Variants in PHF21B observed in about 807,000 individuals in gnomAD.
PHF21B encodes PHD finger protein 4.
PHF21B carries 22 observed loss-of-function variants against 62.2 expected under a neutral mutation model. That is an observed-to-expected ratio of 0.35 (90% CI 0.25 to 0.51). PHF21B has a LOEUF of 0.51. PHF21B is among the 20% of genes least tolerant of loss of function. The pLI is 0.97. For missense variants in PHF21B, 701 were observed against 707.9 expected, an observed-to-expected ratio of 0.99 and a Z score of 0.11; for synonymous variants, 341 against 314.7, an observed-to-expected ratio of 1.08 and a Z score of -0.88.
Position 44,920,381 on chromosome 22 carries a change from G to A in PHF21B, c.213+17C>T, listed in dbSNP as rs760168309. On this transcript the variant is annotated intron_variant, in intron 3 of 12. Transcript: ENST00000313237. ...CAGACAGACGGACACCCCAGGGCCC[G>A]CCCGAGGGCTGCTTACCTGAGGTAG... 2.1e-5 allele frequency: 34 copies of A among 1,592,340 alleles called. No homozygotes were observed. Among genetic ancestry groups the A allele is most frequent in the African/African-American group, 2.7e-5 (2 of 74,350 alleles).
At chr22:44,996,120 G>C (rs1037878836) in intron 2 of PHF21B, among the ~76,000 whole-genome samples, 1 of 152,120 alleles carries the variant, frequency 6.6e-6, no homozygotes, top group Non-Finnish European at 1.5e-5. Context: ...ATGACAACAG[G>C]GGGGTGCTGG....
At chr22:44,887,500 T>C (rs1431338054) in intron 10 of PHF21B, among the ~76,000 whole-genome samples, 3 of 152,108 alleles carry the variant, frequency 2.0e-5, no homozygotes, top group Non-Finnish European at 4.4e-5. Flanking sequence ...CTCCCGCTGC[T>C]GGGAGGAGAG....
intron 2 of PHF21B, among the ~76,000 whole-genome samples, chr22:44,998,354 G>C (rs2073155893): frequency 6.6e-6 from 1 of 152,194 alleles, no homozygotes; most frequent in Non-Finnish European, 1.5e-5. Flanking sequence ...GAAAACTCTG[G>C]TGAAGTAAAT....
At chr22:44,983,386 G>C (rs890408594) in intron 2 of PHF21B, among the ~76,000 whole-genome samples, 1 of 152,184 alleles carries the variant, frequency 6.6e-6, no homozygotes, top group African/African-American at 2.4e-5. Flanking sequence ...AGGTCCAGCT[G>C]TCCCTAGCCA....
intron 2 of PHF21B, among the ~76,000 whole-genome samples, chr22:44,930,067 G>C (rs907689439): frequency 3.3e-5 from 5 of 152,164 alleles, no homozygotes; most frequent in Non-Finnish European, 1.5e-5. Flanking sequence ...AGACTTGCCC[G>C]GGTCACCAAG....
intron 2 of PHF21B, among the ~76,000 whole-genome samples, chr22:44,935,339 G>A (rs2071823747): frequency 6.6e-6 from 1 of 152,046 alleles, no homozygotes; most frequent in Non-Finnish European, 1.5e-5. Context: ...ACATGGCCGG[G>A]CGCGGTGGCT....
intron 2 of PHF21B, among the ~76,000 whole-genome samples, chr22:44,936,349 G>T (rs141578805): frequency 6.6e-6 from 1 of 152,234 alleles, no homozygotes; most frequent in Non-Finnish European, 1.5e-5. Context: ...GCCTCAGGCC[G>T]ACTGTCTCTC....
At chr22:44,972,808 T>C (rs1427970701) in intron 2 of PHF21B, among the ~76,000 whole-genome samples, 1 of 152,126 alleles carries the variant, frequency 6.6e-6, no homozygotes, top group Non-Finnish European at 1.5e-5. Context: ...GAGCTGTGTG[T>C]CCGTCCCCCT....
At chr22:44,979,674 C>T (rs919058757) in intron 2 of PHF21B, among the ~76,000 whole-genome samples, 5 of 152,184 alleles carry the variant, frequency 3.3e-5, no homozygotes, top group African/African-American at 7.2e-5. Flanking sequence ...CTCCATTTAC[C>T]GGCTGTGTGT....
At chr22:44,924,925 C>T (rs573696967) in intron 2 of PHF21B, among the ~76,000 whole-genome samples, 40 of 152,252 alleles carry the variant, frequency 2.6e-4, no homozygotes, top group African/African-American at 8.2e-4. Context: ...AACAAGTACA[C>T]GGATGAGCAA....
intron 2 of PHF21B, among the ~76,000 whole-genome samples, chr22:44,948,248 A>G (rs746356455): frequency 1.3e-5 from 2 of 152,230 alleles, no homozygotes; most frequent in East Asian, 3.8e-4. Flanking sequence ...ATAACATAGC[A>G]TAAGTGGGAA....
At chr22:45,006,457 C>T (rs1204670023) in intron 2 of PHF21B, among the ~76,000 whole-genome samples, 1 of 152,136 alleles carries the variant, frequency 6.6e-6, no homozygotes, top group Non-Finnish European at 1.5e-5. Context: ...AAAGGCAGCC[C>T]GGAGTCGGAG....
intron 2 of PHF21B, among the ~76,000 whole-genome samples, chr22:44,921,905 C>A (rs1036370770): frequency 2.0e-5 from 3 of 152,130 alleles, no homozygotes; most frequent in Non-Finnish European, 2.9e-5. Context: ...GTGATCCACC[C>A]ACCTCGGCCT....
intron 2 of PHF21B, among the ~76,000 whole-genome samples, chr22:44,930,963 G>A (rs1350579347): frequency 6.6e-6 from 1 of 152,244 alleles, no homozygotes; most frequent in Admixed American, 6.5e-5. Flanking sequence ...AGCAGCTCCG[G>A]AGAGGTGAGC....
intron 5 of PHF21B, among the ~76,000 whole-genome samples, chr22:44,903,008 C>T (rs555013823): frequency 2.0e-5 from 3 of 152,330 alleles, no homozygotes; most frequent in East Asian, 1.9e-4. Flanking sequence ...TGGTTAACCA[C>T]GCCTCCTCTG....
intron 2 of PHF21B, among the ~76,000 whole-genome samples, chr22:44,947,938 C>T (rs1292811002): frequency 6.6e-6 from 1 of 152,208 alleles, no homozygotes; most frequent in Non-Finnish European, 1.5e-5. Flanking sequence ...ACAATGACCG[C>T]TGAGTTCAGG....
At chr22:44,940,894 TGGGGCTGTGGAGGTGAGTGG>T (rs2071943406) in intron 2 of PHF21B, among the ~76,000 whole-genome samples, 1 of 152,142 alleles carries the variant, frequency 6.6e-6, no homozygotes, top group Non-Finnish European at 1.5e-5. Context: ...AAGCTTGGGG[TGGGGCTGTGGAGGTGAGTGG>T]GGGGCTGTCG....
chr22:44,990,527 C>T (rs958428392), intron 2 of PHF21B, among the ~76,000 whole-genome samples: 2 of 152,162 alleles, frequency 1.3e-5, no homozygotes, highest in Non-Finnish European at 2.9e-5. Context: ...GCGTGAATTA[C>T]GCTGAGTAAG....
intron 3 of PHF21B, among the ~76,000 whole-genome samples, chr22:44,919,616 G>A (rs1181669123): frequency 6.6e-6 from 1 of 152,232 alleles, no homozygotes; most frequent in Non-Finnish European, 1.5e-5. Flanking sequence ...GAGGTCCCAC[G>A]ACAGGCAGGG....
Sources: allele counts gnomAD v4.1 joint callset (sites outside exome capture counted in the v4.1 genomes callset), GRCh38; gene constraint gnomAD v4.1.1; transcripts MANE v1.5; gene names NCBI Gene and HGNC (gene_info 2026-07-23, HGNC 2026-07-21).